The following DNAH11 variants were observed in gnomAD, a reference collection of about 807,000 sequenced individuals.
The protein encoded by DNAH11 is axonemal beta dynein heavy chain 11.
DNAH11 carries 442 observed loss-of-function variants against 526.0 expected under a neutral mutation model. The ratio of observed to expected loss-of-function variants is 0.84; its 90% confidence interval spans 0.78 to 0.91. The LOEUF (loss-of-function observed/expected upper bound fraction) is 0.91. DNAH11 is among the 40% of genes least tolerant of loss of function. The pLI, the probability that DNAH11 is intolerant of heterozygous loss-of-function variation, is 0.00. For missense variants in DNAH11, 6,989 were observed against 5,448.7 expected (o/e 1.28, Z -8.90); for synonymous variants, 2,461 against 1,935.9 (o/e 1.27, Z -7.12).
intron 54 of DNAH11, among the ~76,000 whole-genome samples, chr7:21,761,006 A>T (rs1408226540): frequency 6.6e-6 from 1 of 152,242 alleles, no homozygotes; most frequent in Non-Finnish European, 1.5e-5. Context: ...TATGGGAAAT[A>T]TAATGGGAAA....
rs1289397900 is a variant in DNAH11 at position 21,599,835 on chromosome 7, A to G, written c.2716A>G (p.Ile906Val). The part of the protein sequence containing the change: ...KANPSLDTWK[I>V]YVEFIDDIVV... ...CAATCCCTCTCTGGATACCTGGAAAATTTATGTAGAATTCATTGACGACAT... is the reference window on the plus strand; with the variant it reads ...CAATCCCTCTCTGGATACCTGGAAAGTTTATGTAGAATTCATTGACGACAT... The change falls in exon 15 of 82, where the codon ATT (isoleucine) becomes GTT (valine). Residue 906 changes from isoleucine (I) to valine (V), a missense_variant. Ile to Val is a conservative substitution (Grantham distance 29). Transcript: ENST00000409508. 1 of 1,594,266 alleles carries G rather than the reference A, an allele frequency of 6.3e-7. No homozygotes were observed. Among genetic ancestry groups the G allele is most frequent in the African/African-American group, 1.3e-5 (1 of 74,382 alleles).
At position 21,543,514 on chromosome 7, in the gene DNAH11, T is replaced by C; in HGVS notation, c.269T>C (p.Leu90Pro). The C allele has an allele frequency of 6.2e-7, 1 of 1,609,642 alleles. No homozygotes were observed. Among genetic ancestry groups the C allele is most frequent in the South Asian group, 1.1e-5 (1 of 89,826 alleles). The change falls in exon 1 of 82, where the codon CTT (leucine) becomes CCT (proline). Residue 90 changes from leucine (L) to proline (P), a missense_variant. Coordinates refer to ENST00000409508, the MANE Select transcript of DNAH11 (RefSeq NM_001277115.2). ...GAAAGCGAGGACAACCGGCAGGTTC[T>C]TGGGGAGTTTCTGGAAAGCACCAGC... ...YLESEDNRQV[L>P]GEFLESTSPA...
chr7:21,807,958 C>T lies in DNAH11; in HGVS notation c.10241C>T (p.Thr3414Met), dbSNP rs779964310. 42 of 1,608,340 alleles carry T rather than the reference C, an allele frequency of 2.6e-5. No individual in the cohort carries two copies. In the South Asian group the frequency reaches 3.7e-4, roughly 14 times the overall value. The change falls in exon 63 of 82, where the codon ACG (threonine) becomes ATG (methionine). Residue 3414 changes from threonine to methionine, a missense_variant. By Grantham distance (81) the Thr-to-Met change is moderately conservative. Transcript: ENST00000409508. Reference sequence around the variant, plus strand: ...ACACTCTGTGGAGATGTTCTTCTCACGGCGGCATTTGTGTCTTACGTCGGA... The same window carrying T: ...ACACTCTGTGGAGATGTTCTTCTCATGGCGGCATTTGTGTCTTACGTCGGA... Reference protein sequence around the residue: ...EKTLCGDVLLTAAFVSYVGPF... With the variant: ...EKTLCGDVLLMAAFVSYVGPF...
chr7:21,813,520 A>G (rs1300871371), intron 63 of DNAH11, among the ~76,000 whole-genome samples: 1 of 152,192 alleles, frequency 6.6e-6, no homozygotes, highest in Non-Finnish European at 1.5e-5. Context: ...ACATTAGGAG[A>G]AACTGGCAGT....
intron 23 of DNAH11, 99 bp downstream of exon 23, chr7:21,617,876 C>G (rs1363435718): frequency 3.1e-6 from 4 of 1,278,640 alleles, no homozygotes; most frequent in South Asian, 3.8e-5. Flanking sequence ...ATGAAAAGAC[C>G]CCCCTCAGCA....
At chr7:21,600,648 G>C (rs750979911) in intron 15 of DNAH11, 28 bp from the exon 16 acceptor site, 2 of 1,562,566 alleles carry the variant, frequency 1.3e-6, no homozygotes, top group Non-Finnish European at 1.7e-6. Flanking sequence ...GGTTTGAATA[G>C]TAAGTGCTGT....
intron 44 of DNAH11, among the ~76,000 whole-genome samples, chr7:21,721,713 C>T (rs1784881360): frequency 6.6e-6 from 1 of 152,172 alleles, no homozygotes; most frequent in Non-Finnish European, 1.5e-5. Flanking sequence ...AAGGCCCCAC[C>T]ACCAAATATC....
At position 21,613,319 on chromosome 7, in the gene DNAH11, AAGGT is replaced by A. The variant is rs1034394333; in HGVS notation, c.3853-1790_3853-1787del. 1.6e-3 allele frequency among the ~76,000 whole-genome samples: 240 copies of A among 152,064 alleles called. 1 individual carries two copies. The highest frequency in any genetic ancestry group is 5.4e-3 in the African/African-American group (224 of 41,310). The stretch of plus-strand genomic sequence containing the variant: ...TATAAAAATTAGATTATTAAATAAA[AAGGT>A]AGGTTTTGTGGTTAAATATGTAGTA... On this transcript the variant is annotated intron_variant, in intron 20 of 81. Coordinates refer to ENST00000409508, the MANE Select transcript of DNAH11 (RefSeq NM_001277115.2).
At position 21,816,461 on chromosome 7, in the gene DNAH11, T is replaced by G; in HGVS notation, c.10333-6T>G. The G allele has an allele frequency of 1.3e-6, 2 of 1,591,856 alleles. No individual in the cohort carries two copies. Among genetic ancestry groups the G allele is most frequent in the Non-Finnish European group, 1.7e-6 (2 of 1,168,856 alleles). On this transcript the variant is annotated splice_polypyrimidine_tract_variant and splice_region_variant and intron_variant, in intron 63 of 81. Transcript: ENST00000409508. ...CAATTTGTTGCATTCAACTCTGATT[T>G]TAAAGGTTTCCATTCCACTAACCGA... is the stretch of plus-strand genomic sequence containing the variant.
chr7:21,751,556 T>C (rs528130749), intron 54 of DNAH11, among the ~76,000 whole-genome samples: 7 of 152,322 alleles, frequency 4.6e-5, no homozygotes, highest in African/African-American at 1.2e-4. Context: ...CTAGGAAAGC[T>C]GCTACTTTAC....
At chr7:21,828,670 G>C (rs1790415436) in intron 65 of DNAH11, among the ~76,000 whole-genome samples, 1 of 151,210 alleles carries the variant, frequency 6.6e-6, no homozygotes, top group Non-Finnish European at 1.5e-5. Context: ...GCTACATTAT[G>C]ATGTTTAAAT....
intron 2 of DNAH11, among the ~76,000 whole-genome samples, chr7:21,546,652 A>G (rs1782816013): frequency 6.6e-6 from 1 of 152,336 alleles, no homozygotes; most frequent in African/African-American, 2.4e-5. Flanking sequence ...AGTGTATTAT[A>G]TATTTATACT....
chr7:21,876,354 A>T lies in DNAH11; in HGVS notation c.12195+2853A>T, dbSNP rs113207469. On this transcript the variant is annotated intron_variant, in intron 74 of 81. Transcript: ENST00000409508. ...AAATAAAAAATGTGCAGAAAATCTAAAATGTTAGAGTCTTTTATGAATGCT... is the reference window on the plus strand; with the variant it reads ...AAATAAAAAATGTGCAGAAAATCTATAATGTTAGAGTCTTTTATGAATGCT... 6.4e-3 allele frequency among the ~76,000 whole-genome samples: 975 copies of T among 152,318 alleles called. 15 individuals carry two copies. Among genetic ancestry groups the T allele is most frequent in the African/African-American group, 0.022 (894 of 41,562 alleles).
Position 21,847,989 on chromosome 7 carries a change from C to A in DNAH11, c.10897-4478C>A, listed in dbSNP as rs1019000581. ...TACCATCCTGGCTAACATGGTGAAA[C>A]CCCGTCTCTACTAAAAATACAAAAA... On this transcript the variant is annotated intron_variant, in intron 66 of 81. Coordinates refer to ENST00000409508, the MANE Select transcript of DNAH11 (RefSeq NM_001277115.2). Among the ~76,000 whole-genome samples, 11 of 151,964 alleles carry A rather than the reference C, an allele frequency of 7.2e-5. 1 individual carries two copies. Among genetic ancestry groups the A allele is most frequent in the Admixed American group, 3.9e-4 (6 of 15,270 alleles).
intron 14 of DNAH11, among the ~76,000 whole-genome samples, chr7:21,597,553 G>A (rs753388312): frequency 9.9e-5 from 15 of 152,128 alleles, no homozygotes; most frequent in Non-Finnish European, 1.9e-4. Context: ...GGGGAAGCAA[G>A]GTCCGTCTTA....
At chr7:21,851,717 C>T (rs1365565842) in intron 66 of DNAH11, 2 of 466,778 alleles carry the variant, frequency 4.3e-6, no homozygotes, top group African/African-American at 4.0e-5. Flanking sequence ...ACTTGCATGT[C>T]AGTGTTCCCG....
chr7:21,900,635 A>AGCAAGTGCC (rs1187757064), intron 81 of DNAH11, among the ~76,000 whole-genome samples: 1 of 152,176 alleles, frequency 6.6e-6, no homozygotes, highest in East Asian at 1.9e-4. Flanking sequence ...TTCAGTTTAA[A>AGCAAGTGCC]GCAAGTGCCA....
At position 21,854,605 on chromosome 7, in the gene DNAH11, A is replaced by G. The variant is rs142060848; in HGVS notation, c.11202+150A>G. On this transcript the variant is annotated intron_variant, in intron 68 of 81. Coordinates refer to ENST00000409508, the MANE Select transcript of DNAH11 (RefSeq NM_001277115.2). ...CACTCTGTAGCCCAGGCTGGAGTGC[A>G]GTGGCGTGATCATTGCAACCTCTGC... 2.7e-4 allele frequency: 247 copies of G among 903,924 alleles called. 2 individuals carry two copies. The African/African-American group carries it at 3.6e-3, about 13-fold the overall frequency. 56.0% of individuals were successfully genotyped at this position (903,924 alleles called of 1,614,324 possible).
At chr7:21,642,451 T>A (rs754499287) in intron 28 of DNAH11, among the ~76,000 whole-genome samples, 2 of 152,316 alleles carry the variant, frequency 1.3e-5, no homozygotes, top group South Asian at 4.1e-4. Flanking sequence ...CAGGCTGTTA[T>A]GCCAGATAGT....
Sources: allele counts gnomAD v4.1 joint callset (sites outside exome capture counted in the v4.1 genomes callset), GRCh38; gene constraint gnomAD v4.1.1; transcripts MANE v1.5; gene names NCBI Gene and HGNC (gene_info 2026-07-23, HGNC 2026-07-21).